The following TGOLN2 variants were observed in gnomAD, a reference collection of about 807,000 sequenced individuals.
TGOLN2 encodes trans-golgi network protein 2.
In TGOLN2, 19 loss-of-function variants were observed where a neutral mutation model predicts 31.3. The ratio of observed to expected loss-of-function variants is 0.61; its 90% CI spans 0.42 to 0.89. The LOEUF (loss-of-function observed/expected upper bound fraction) is 0.89. TGOLN2 is among the 40% of genes least tolerant of loss of function. The pLI is 0.00. For synonymous variants in TGOLN2, 222 were observed against 226.7 expected, an observed-to-expected ratio of 0.98 and a Z score of 0.19; for missense variants, 540 against 559.2, an observed-to-expected ratio of 0.97 and a Z score of 0.35.
At chr2:85,325,930 G>C (rs1027240979) in intron 2 of TGOLN2, among the ~76,000 whole-genome samples, 7 of 152,216 alleles carry the variant, frequency 4.6e-5, no homozygotes, top group African/African-American at 9.6e-5. Flanking sequence ...TTTGTCATTA[G>C]AGTGGTTGCT....
In TGOLN2 at chr2:85,327,569, T is replaced by C. The variant is rs2104418333; in HGVS notation, c.163A>G (p.Lys55Glu). 4 of 1,614,038 alleles carry C rather than the reference T, an allele frequency of 2.5e-6. No homozygotes were observed. The highest frequency in any genetic ancestry group is 3.4e-6 in the Non-Finnish European group (4 of 1,179,894). The change falls in exon 2 of 4, where the codon AAG (lysine) becomes GAG (glutamate). Residue 55 changes from lysine (K) to glutamate (E), a missense_variant. By Grantham distance (56) the Lys-to-Glu change is moderately conservative. Coordinates refer to ENST00000377386, the MANE Select transcript of TGOLN2 (RefSeq NM_006464.4). Reference sequence around the variant, plus strand: ...GGAGTCTGCGGCTCCGGATGCGACTTGGTAGAGCCTCCAGGCCGTTGGCTC... The same window carrying C: ...GGAGTCTGCGGCTCCGGATGCGACTCGGTAGAGCCTCCAGGCCGTTGGCTC... Reference protein sequence around the residue: ...SLSQRPGGSTKSHPEPQTPKD... With the variant: ...SLSQRPGGSTESHPEPQTPKD...
chr2:85,322,667 A>G lies in TGOLN2; in HGVS notation c.*69T>C. 6.9e-6 allele frequency: 11 copies of G among 1,603,854 alleles called. No individual in the cohort carries two copies. The highest frequency in any genetic ancestry group is 1.1e-5 in the South Asian group (1 of 88,662). ...CAAGGTTCTCAAGGACAAAAAAATC[A>G]AAGCTGAAACGAGAGCAGCACAATC... is the stretch of plus-strand genomic sequence containing the variant. On this transcript the variant is annotated 3_prime_UTR_variant, in exon 4 of 4. Coordinates refer to ENST00000377386, the MANE Select transcript of TGOLN2 (RefSeq NM_006464.4).
In TGOLN2 at chr2:85,326,501, G is replaced by A. The variant is rs1173854798; in HGVS notation, c.1224+7C>T. On this transcript the variant is annotated splice_region_variant and intron_variant, in intron 2 of 3. Coordinates refer to ENST00000377386, the MANE Select transcript of TGOLN2 (RefSeq NM_006464.4). ...CACTCCCCTCCGGAAGGCCGCTGTC[G>A]ACTTACCTTCCGCTTGTTGTGATGA... 1.9e-6 allele frequency: 3 copies of A among 1,608,050 alleles called. No individual in the cohort carries two copies. Among genetic ancestry groups the A allele is most frequent in the Non-Finnish European group, 2.6e-6 (3 of 1,175,282 alleles).
rs1265516455 is a variant in TGOLN2, at chr2:85,327,901, G to C, written c.46+16C>G. 3 of 1,596,812 alleles carry C rather than the reference G, an allele frequency of 1.9e-6. No homozygotes were observed. On this transcript the variant is annotated intron_variant, in intron 1 of 3. Coordinates refer to ENST00000377386, the MANE Select transcript of TGOLN2 (RefSeq NM_006464.4). Reference sequence around the variant, plus strand: ...GATCTGGGGGCAAGAGTGGGATGCGGGATGGAGGGTCTTACCCGCCGCTGC... The same window carrying C: ...GATCTGGGGGCAAGAGTGGGATGCGCGATGGAGGGTCTTACCCGCCGCTGC...
chr2:85,322,546 C>A lies in TGOLN2; in HGVS notation c.*190G>T, dbSNP rs879690284. 1.7e-5 allele frequency: 22 copies of A among 1,287,960 alleles called. No homozygotes were observed. The highest frequency in any genetic ancestry group is 2.2e-5 in the Non-Finnish European group (21 of 948,312). 79.8% of individuals were successfully genotyped at this position (1,287,960 alleles called of 1,614,324 possible). A position where few individuals can be genotyped will look rare whatever the true frequency, so the allele number is the denominator to read the frequency against. Reference sequence around the variant, plus strand: ...AAAGCAGCCCCCTACCTCTGCCAGCCCAGACCCGCCACTAAATTCTAGAGG... The same window carrying A: ...AAAGCAGCCCCCTACCTCTGCCAGCACAGACCCGCCACTAAATTCTAGAGG... On this transcript the variant is annotated 3_prime_UTR_variant, in exon 4 of 4. Transcript: ENST00000377386.
rs1197493425 is a variant in TGOLN2, at chr2:85,322,022, T to C, written c.*714A>G. Reference sequence around the variant, plus strand: ...ACAACTAAGTGGAAGTTGATTCACTTTGTCTCAAGCTACATAAAATAATCA... The same window carrying C: ...ACAACTAAGTGGAAGTTGATTCACTCTGTCTCAAGCTACATAAAATAATCA... On this transcript the variant is annotated 3_prime_UTR_variant, in exon 4 of 4. Transcript: ENST00000377386. 7.9e-5 allele frequency: 12 copies of C among 152,304 alleles called. No individual in the cohort carries two copies. The highest frequency in any genetic ancestry group is 7.2e-4 in the Admixed American group (11 of 15,284). 9.4% of individuals were successfully genotyped at this position (152,304 alleles called of 1,614,324 possible).
rs748911937 is a variant in TGOLN2, at chr2:85,326,687, A to G, written c.1045T>C (p.Ser349Pro). Residue 349 changes from serine to proline, a missense_variant, in exon 2 of 4, where the codon TCT (serine) becomes CCT (proline). Transcript: ENST00000377386. Reference protein sequence around the residue: ...PKEEKEKMSGSASSENREGTL... With the variant: ...PKEEKEKMSGPASSENREGTL... ...CCTTCACGGTTCTCACTGGAGGCAG[A>G]ACCGGACATCTTTTCTTTCTCTTCT... 7 of 1,613,934 alleles carry G rather than the reference A, an allele frequency of 4.3e-6. No individual in the cohort carries two copies. In the South Asian group the frequency reaches 5.5e-5, roughly 13 times the overall value.
intron 1 of TGOLN2, 67 bp from the exon 2 acceptor site, chr2:85,327,752 A>T: frequency 1.1e-5 from 17 of 1,509,344 alleles, no homozygotes; most frequent in Non-Finnish European, 1.4e-5. Flanking sequence ...TCAGAACTGG[A>T]AGAGATCGGG....
chr2:85,324,505 GGTGATTC>G, intron 3 of TGOLN2: 1 of 252,314 alleles, frequency 4.0e-6, no homozygotes, highest in East Asian at 8.2e-5. Context: ...AATTCCCCAA[GGTGATTC>G]AAATGCCTAT....
intron 3 of TGOLN2, among the ~76,000 whole-genome samples, chr2:85,323,928 G>A (rs1331155007): frequency 6.6e-6 from 1 of 152,190 alleles, no homozygotes; most frequent in East Asian, 1.9e-4. Context: ...GCCATGGGGT[G>A]GAAGGAGGGC....
At position 85,322,466 on chromosome 2, in the gene TGOLN2, CATAA is replaced by C. The variant is rs1682580564; in HGVS notation, c.*266_*269del. 1.7e-6 allele frequency: 1 copy of C among 571,850 alleles called. No individual in the cohort carries two copies. Among genetic ancestry groups the C allele is most frequent in the Non-Finnish European group, 3.0e-6 (1 of 337,312 alleles). 35.4% of individuals were successfully genotyped at this position (571,850 alleles called of 1,614,324 possible). On this transcript the variant is annotated 3_prime_UTR_variant, in exon 4 of 4. Coordinates refer to ENST00000377386, the MANE Select transcript of TGOLN2 (RefSeq NM_006464.4). ...AGGAGGAACGGATGGAAGCCACCAG[CATAA>C]ATAAAGGGAACACAGAAGAACAATG...
intron 3 of TGOLN2, 176 bp from the exon 4 acceptor site, chr2:85,322,917 G>A: frequency 8.9e-7 from 1 of 1,129,242 alleles, no homozygotes; most frequent in Non-Finnish European, 1.2e-6. Context: ...GAGGAATCCT[G>A]GCTTCTGCTT....
At chr2:85,323,630 G>C (rs1682624619) in intron 3 of TGOLN2, among the ~76,000 whole-genome samples, 1 of 152,206 alleles carries the variant, frequency 6.6e-6, no homozygotes, top group Non-Finnish European at 1.5e-5. Context: ...TGAAAAGGCA[G>C]TAGTCCAGAG....
At chr2:85,327,780 GA>G in intron 1 of TGOLN2, 95 bp from the exon 2 acceptor site, 5 of 623,808 alleles carry the variant, frequency 8.0e-6, no homozygotes, top group Non-Finnish European at 1.1e-5. Context: ...GGGGAATGGG[GA>G]TTGGGGGGTG....
Position 85,326,544 on chromosome 2 carries a change from C to T in TGOLN2, c.1188G>A (p.Val396=). 6.2e-7 allele frequency: 1 copy of T among 1,613,910 alleles called. No homozygotes were observed. The highest frequency in any genetic ancestry group is 8.5e-7 in the Non-Finnish European group (1 of 1,179,874). ...TGTGATGAGCGATATAGAGGACAGC[C>T]ACAAGAATGGCTGCAGTCACCAGAT... ...FAYLVTAAIL[V]AVLYIAHHNK... Residue 396 remains valine (V), a synonymous_variant, in exon 2 of 4, where the codon GTG becomes GTA. Transcript: ENST00000377386.
In TGOLN2 at chr2:85,327,140, C is replaced by T; in HGVS notation, c.592G>A (p.Ala198Thr). 6.2e-7 allele frequency: 1 copy of T among 1,613,648 alleles called. No individual in the cohort carries two copies. The highest frequency in any genetic ancestry group is 8.5e-7 in the Non-Finnish European group (1 of 1,179,790). Reference protein sequence around the residue: ...TPKDGSSKSGAEDQTPKDVPN... With the variant: ...TPKDGSSKSGTEDQTPKDVPN... ...ACGTCTTTTGGGGTCTGATCCTCCGCACCCGACTTGCTGGAGCCGTCTTTT... is the reference window on the plus strand; with the variant it reads ...ACGTCTTTTGGGGTCTGATCCTCCGTACCCGACTTGCTGGAGCCGTCTTTT... The change falls in exon 2 of 4, where the codon GCG becomes ACG. Residue 198 changes from alanine (A) to threonine (T), a missense_variant. Ala to Thr is a moderately conservative substitution (Grantham distance 58, BLOSUM62 0). Transcript: ENST00000377386.
Position 85,322,286 on chromosome 2 carries a change from G to T in TGOLN2, c.*450C>A. ...CCTGCAGTTTTCCCCTAGGTCTGCAGAGAGAAACAGTGCAGAGTGCAATGC... is the reference window on the plus strand; with the variant it reads ...CCTGCAGTTTTCCCCTAGGTCTGCATAGAGAAACAGTGCAGAGTGCAATGC... On this transcript the variant is annotated 3_prime_UTR_variant, in exon 4 of 4. Coordinates refer to ENST00000377386, the MANE Select transcript of TGOLN2 (RefSeq NM_006464.4). 1 of 212,610 alleles carries T rather than the reference G, an allele frequency of 4.7e-6. No homozygotes were observed. The highest frequency in any genetic ancestry group is 9.3e-6 in the Non-Finnish European group (1 of 108,092). 13.2% of individuals were successfully genotyped at this position (212,610 alleles called of 1,614,324 possible). A position where few individuals can be genotyped will look rare whatever the true frequency, so the allele number is the denominator to read the frequency against.
Position 85,326,577 on chromosome 2 carries a change from G to C in TGOLN2, c.1155C>G (p.Phe385Leu). The C allele has an allele frequency of 6.2e-7, 1 of 1,613,986 alleles. No individual in the cohort carries two copies. The highest frequency in any genetic ancestry group is 8.5e-7 in the Non-Finnish European group (1 of 1,179,892). ...TGGCTGCAGTCACCAGATATGCAAA[G>C]AAGTGGCTGCTCTCCGCGCTGCCAT... ...SGNGSAESSHFFAYLVTAAIL... is the reference protein window; with the variant it reads ...SGNGSAESSHLFAYLVTAAIL... The change falls in exon 2 of 4, where the codon TTC becomes TTG. Residue 385 changes from phenylalanine (F) to leucine (L), a missense_variant. Transcript: ENST00000377386.
rs941704196 is a variant in TGOLN2, at chr2:85,321,234, C to T, written c.*1502G>A. ...TTGGTGCAAAGTATTATAAGACTAA[C>T]GCATCAGTACAGAGAATGACCCAAG... On this transcript the variant is annotated 3_prime_UTR_variant, in exon 4 of 4. Coordinates refer to ENST00000377386, the MANE Select transcript of TGOLN2 (RefSeq NM_006464.4). The T allele has an allele frequency of 6.6e-6, 1 of 152,538 alleles. No homozygotes were observed. Among genetic ancestry groups the T allele is most frequent in the African/African-American group, 2.4e-5 (1 of 41,458 alleles). The allele number at this position is 152,538 out of a possible 1,614,324, so 9.4% of individuals were successfully genotyped here.
Sources: gnomAD v4.1 joint callset for allele counts (sites outside exome capture counted in the v4.1 genomes callset) on GRCh38, gnomAD v4.1.1 for gene constraint, MANE v1.5 for transcripts, NCBI Gene and HGNC (gene_info 2026-07-23, HGNC 2026-07-21) for gene names.